The following PRELID2 variants were observed in gnomAD, a reference collection of about 807,000 sequenced individuals.
PRELID2 encodes the protein PRELI domain-containing protein 2.
Under a neutral mutation model 28.4 loss-of-function variants are expected in PRELID2, and 25 were observed. That is an observed-to-expected ratio of 0.88 (90% CI 0.64 to 1.23). The LOEUF (loss-of-function observed/expected upper bound fraction) is 1.23. Among genes scored for constraint, PRELID2 ranks in the 50% most tolerant of loss-of-function variants. The probability of loss-of-function intolerance (pLI) is 0.00; values close to 1 mark genes in which losing one functional copy is unlikely to be tolerated. For synonymous variants in PRELID2, 76 were observed against 71.6 expected, an observed-to-expected ratio of 1.06 and a Z score of -0.31; for missense variants, 201 against 214.4, an observed-to-expected ratio of 0.94 and a Z score of 0.39.
chr5:145,380,922 G>C, the PRELID2 span, among the ~76,000 whole-genome samples: 8 of 152,132 alleles, frequency 5.3e-5, no homozygotes, highest in East Asian at 7.7e-4. Flanking sequence ...CAGGTTTTAT[G>C]CATGTTCTAG....
the PRELID2 span, among the ~76,000 whole-genome samples, chr5:145,296,153 A>G: frequency 6.6e-6 from 1 of 151,674 alleles, no homozygotes; most frequent in Non-Finnish European, 1.5e-5. Context: ...TTTAGCTTCC[A>G]TTGTAGCAGG....
chr5:145,487,040 A>G (rs1000264679), intron 1 of PRELID2, among the ~76,000 whole-genome samples: 3 of 139,748 alleles, frequency 2.1e-5, no homozygotes, highest in South Asian at 2.4e-4. Flanking sequence ...GAATTGAACA[A>G]TGAGATCACA....
At chr5:145,711,172 T>A (rs1755684280) in intron 1 of PRELID2, among the ~76,000 whole-genome samples, 1 of 152,128 alleles carries the variant, frequency 6.6e-6, no homozygotes, top group East Asian at 1.9e-4. Context: ...TGAACAAAAA[T>A]CATGTTTAGA....
intron 2 of PRELID2, among the ~76,000 whole-genome samples, chr5:145,821,638 C>T (rs1392459429): frequency 6.6e-6 from 1 of 152,210 alleles, no homozygotes; most frequent in East Asian, 1.9e-4. Context: ...TGCAAAAACC[C>T]TGACTGCCCA....
At chr5:145,232,493 G>A in the PRELID2 span, among the ~76,000 whole-genome samples, 3 of 152,084 alleles carry the variant, frequency 2.0e-5, no homozygotes, top group Admixed American at 6.5e-5. Flanking sequence ...GTAGAGGAGC[G>A]AATGGATGAA....
chr5:145,330,599 T>G, the PRELID2 span, among the ~76,000 whole-genome samples: 1 of 152,348 alleles, frequency 6.6e-6, no homozygotes, highest in South Asian at 2.1e-4. Flanking sequence ...AGTTTGTATT[T>G]CAGTGAAATC....
the PRELID2 span, among the ~76,000 whole-genome samples, chr5:145,365,560 C>T: frequency 6.6e-6 from 1 of 151,870 alleles, no homozygotes; most frequent in African/African-American, 2.4e-5. Flanking sequence ...TATGTACCTG[C>T]CACAAAGAGC....
intron 1 of PRELID2, among the ~76,000 whole-genome samples, chr5:145,741,308 T>A (rs1214451007): frequency 9.7e-5 from 8 of 82,770 alleles, no homozygotes; most frequent in East Asian, 4.3e-4. Context: ...ATATAAATAA[T>A]TTATTTATAA....
At position 145,740,298 on chromosome 5, in the gene PRELID2, AT is replaced by A. The variant is rs1409108497; in HGVS notation, n.70+24632del. 1.1e-4 allele frequency among the ~76,000 whole-genome samples: 12 copies of A among 110,560 alleles called. 1 individual carries two copies. Among genetic ancestry groups the A allele is most frequent in the African/African-American group, 4.1e-4 (12 of 29,158 alleles). 72.5% of individuals were successfully genotyped at this position (110,560 alleles called of 152,430 possible). Reference sequence around the variant, plus strand: ...TATATATATATATATATATATATATATATATATATATATATATATATAAATC... The same window carrying A: ...TATATATATATATATATATATATATAATATATATATATATATATATAAATC... On this transcript the variant is annotated intron_variant and non_coding_transcript_variant, in intron 1 of 2. Coordinates refer to the PRELID2 transcript ENST00000510259.
intron 1 of PRELID2, among the ~76,000 whole-genome samples, chr5:145,546,813 C>T (rs1479283603): frequency 3.9e-5 from 6 of 152,102 alleles, no homozygotes; most frequent in Non-Finnish European, 8.8e-5. Flanking sequence ...CTAATTTAGA[C>T]AAGATGGACC....
chr5:145,752,320 G>A (rs1348330066), downstream of PRELID2, among the ~76,000 whole-genome samples: 1 of 152,182 alleles, frequency 6.6e-6, no homozygotes, highest in Non-Finnish European at 1.5e-5. Context: ...GACACGTACA[G>A]AAAGACTACT....
chr5:145,377,217 T>C, the PRELID2 span, among the ~76,000 whole-genome samples: 1 of 152,220 alleles, frequency 6.6e-6, no homozygotes, highest in South Asian at 2.1e-4. Context: ...TTTATTACTC[T>C]TGATTTCTAG....
chr5:145,717,441 T>C (rs1755873429), intron 1 of PRELID2, among the ~76,000 whole-genome samples: 1 of 152,060 alleles, frequency 6.6e-6, no homozygotes, highest in African/African-American at 2.4e-5. Flanking sequence ...TTTCAATAAA[T>C]AATATGTTTT....
At chr5:145,706,388 T>C (rs1322963808) in intron 1 of PRELID2, among the ~76,000 whole-genome samples, 1 of 152,192 alleles carries the variant, frequency 6.6e-6, no homozygotes, top group African/African-American at 2.4e-5. Flanking sequence ...GAAACAAAAA[T>C]TGATGAGCGT....
intron 1 of PRELID2, among the ~76,000 whole-genome samples, chr5:145,484,813 A>T (rs936515043): frequency 1.3e-5 from 2 of 152,232 alleles, no homozygotes; most frequent in South Asian, 2.1e-4. Context: ...ATAAGGTTTT[A>T]CTGTATTTCC....
intron 1 of PRELID2, among the ~76,000 whole-genome samples, chr5:145,607,940 A>G (rs577378560): frequency 1.2e-4 from 19 of 152,076 alleles, no homozygotes; most frequent in African/African-American, 4.6e-4. Flanking sequence ...TATTGGGTGC[A>G]TATGTATTCA....
At chr5:145,493,332 T>C (rs570767334) in intron 1 of PRELID2, among the ~76,000 whole-genome samples, 6 of 152,308 alleles carry the variant, frequency 3.9e-5, no homozygotes, top group Admixed American at 2.6e-4. Context: ...ATTTCTGTCC[T>C]TCCTTTATCT....
the PRELID2 span, among the ~76,000 whole-genome samples, chr5:145,284,218 A>G: frequency 1.3e-5 from 2 of 152,346 alleles, no homozygotes; most frequent in East Asian, 3.9e-4. Flanking sequence ...CTAATGCTAT[A>G]AAATTATCAC....
intron 1 of PRELID2, among the ~76,000 whole-genome samples, chr5:145,551,561 C>G (rs1752834379): frequency 6.6e-6 from 1 of 152,142 alleles, no homozygotes. Flanking sequence ...ATGTTGCCTT[C>G]TTTCAATTAA....
Sources: allele counts gnomAD v4.1 joint callset (sites outside exome capture counted in the v4.1 genomes callset), GRCh38; gene constraint gnomAD v4.1.1; transcripts MANE v1.5; gene names NCBI Gene and HGNC (gene_info 2026-07-23, HGNC 2026-07-21).